The following CCSER1 variants were observed in gnomAD, a reference collection of about 807,000 sequenced individuals.
CCSER1 encodes coiled-coil serine rich protein 1, also known as serine-rich coiled-coil domain-containing protein 1.
CCSER1 carries 41 observed loss-of-function variants against 82.0 expected under a neutral mutation model. The ratio of observed to expected loss-of-function variants is 0.50; its 90% CI spans 0.39 to 0.65. The LOEUF is 0.65. Ranked by LOEUF, CCSER1 falls within the 30% of genes least tolerant of loss-of-function variation. The pLI, the probability that CCSER1 is intolerant of heterozygous loss-of-function variation, is 0.00. For synonymous variants in CCSER1, 414 were observed against 383.9 expected (o/e 1.08, Z -0.92); for missense variants, 1,119 against 1,064.2 (o/e 1.05, Z -0.72).
At chr4:90,689,527 A>C (rs963468764) in intron 6 of CCSER1, among the ~76,000 whole-genome samples, 6 of 152,180 alleles carry the variant, frequency 3.9e-5, no homozygotes, top group African/African-American at 1.4e-4. Context: ...CTTATCATTC[A>C]TGCAGCACTT....
intron 7 of CCSER1, among the ~76,000 whole-genome samples, chr4:90,808,211 C>T (rs182765199): frequency 6.6e-6 from 1 of 152,144 alleles, no homozygotes; most frequent in Admixed American, 6.5e-5. Flanking sequence ...GAAACTGGAT[C>T]CCTATTCTCA....
At chr4:91,160,389 A>G (rs1731265225) in intron 10 of CCSER1, among the ~76,000 whole-genome samples, 2 of 152,206 alleles carry the variant, frequency 1.3e-5, no homozygotes, top group Admixed American at 6.5e-5. Flanking sequence ...ACCATGATTT[A>G]TAATCCTTTG....
At chr4:91,526,491 A>C (rs538782279) in intron 10 of CCSER1, among the ~76,000 whole-genome samples, 14 of 152,282 alleles carry the variant, frequency 9.2e-5, no homozygotes, top group African/African-American at 3.4e-4. Context: ...CCATGAATAA[A>C]TCTCTGGCTC....
intron 10 of CCSER1, among the ~76,000 whole-genome samples, chr4:91,528,065 C>A (rs1343942245): frequency 6.6e-6 from 1 of 152,012 alleles, no homozygotes; most frequent in Non-Finnish European, 1.5e-5. Context: ...CAGGCACAGG[C>A]TACCACTTCC....
At chr4:90,548,482 G>A (rs1337365794) in intron 5 of CCSER1, among the ~76,000 whole-genome samples, 2 of 152,002 alleles carry the variant, frequency 1.3e-5, no homozygotes, top group African/African-American at 4.8e-5. Flanking sequence ...TGGCACCTGG[G>A]TAGAGCCTCT....
intron 6 of CCSER1, among the ~76,000 whole-genome samples, chr4:90,630,868 GATTATTATTATTATTATTATTATT>G (rs71596533): frequency 7.0e-6 from 1 of 143,336 alleles, no homozygotes; most frequent in African/African-American, 2.5e-5. Context: ...TTTGTTCACA[GATTATTATTATTATTATTATTATT>G]ATTATTATTA....
intron 10 of CCSER1, among the ~76,000 whole-genome samples, chr4:91,521,062 G>A (rs1476947365): frequency 6.6e-6 from 1 of 152,102 alleles, no homozygotes; most frequent in Non-Finnish European, 1.5e-5. Flanking sequence ...AGGCCCCGGT[G>A]TGTGATGTTC....
intron 10 of CCSER1, among the ~76,000 whole-genome samples, chr4:91,130,871 A>C (rs1727930227): frequency 6.6e-6 from 1 of 151,796 alleles, no homozygotes; most frequent in African/African-American, 2.4e-5. Context: ...ATTTTTAATT[A>C]AATATATTAT....
intron 10 of CCSER1, among the ~76,000 whole-genome samples, chr4:91,127,077 G>A (rs1447625877): frequency 6.6e-6 from 1 of 151,854 alleles, no homozygotes; most frequent in African/African-American, 2.4e-5. Flanking sequence ...ATCATCCCTG[G>A]ACAGCAACAA....
intron 9 of CCSER1, among the ~76,000 whole-genome samples, chr4:91,022,051 G>T (rs529608828): frequency 6.6e-6 from 1 of 151,942 alleles, no homozygotes; most frequent in Non-Finnish European, 1.5e-5. Context: ...TGCACAATGT[G>T]CAGGTTAGTT....
At chr4:90,148,131 C>T (rs1343756296) in intron 1 of CCSER1, among the ~76,000 whole-genome samples, 1 of 152,112 alleles carries the variant, frequency 6.6e-6, no homozygotes, top group East Asian at 1.9e-4. Flanking sequence ...AGCCACTGCA[C>T]TCCAGCCTGG....
intron 10 of CCSER1, among the ~76,000 whole-genome samples, chr4:91,472,725 A>G (rs1362124020): frequency 6.6e-6 from 1 of 152,168 alleles, no homozygotes; most frequent in Non-Finnish European, 1.5e-5. Context: ...AATAATATAG[A>G]GACAGAATCT....
chr4:91,509,883 A>C (rs1469892010), intron 10 of CCSER1, among the ~76,000 whole-genome samples: 1 of 152,158 alleles, frequency 6.6e-6, no homozygotes, highest in African/African-American at 2.4e-5. Flanking sequence ...TTCAAGTGGT[A>C]CATGTGCAGT....
chr4:90,644,577 T>A (rs181247415), intron 6 of CCSER1, among the ~76,000 whole-genome samples: 1 of 152,020 alleles, frequency 6.6e-6, no homozygotes, highest in African/African-American at 2.4e-5. Context: ...ATCACCTAGG[T>A]ATTAAGCTCC....
At chr4:91,025,444 G>A (rs1030509804) in intron 9 of CCSER1, among the ~76,000 whole-genome samples, 4 of 152,126 alleles carry the variant, frequency 2.6e-5, no homozygotes, top group Non-Finnish European at 5.9e-5. Flanking sequence ...TAGATGATGT[G>A]CTGGCACTTT....
intron 1 of CCSER1, among the ~76,000 whole-genome samples, chr4:90,293,648 G>C (rs894558691): frequency 1.7e-4 from 25 of 150,700 alleles, no homozygotes; most frequent in African/African-American, 5.8e-4. Context: ...TCTTTTCAAA[G>C]ATTTTTTAAA....
rs941147990 is a variant in CCSER1, at chr4:90,628,198, C to A, written c.1898C>A (p.Thr633Lys). ...TTACAGGACTGCACGGCAGTCAAGA[C>A]GTTATTATTAAAGATGAAGAGAGTT... Reference protein sequence around the residue: ...LMLQDCTAVKTLLLKMKRVLQ... With the variant: ...LMLQDCTAVKKLLLKMKRVLQ... The change falls in exon 6 of 11, where the codon ACG becomes AAG. Residue 633 changes from threonine to lysine, a missense_variant. Thr to Lys is a moderately conservative substitution (Grantham distance 78). Transcript: ENST00000509176. The A allele has an allele frequency of 6.2e-7, 1 of 1,613,582 alleles. No homozygotes were observed.
At chr4:91,440,992 A>C (rs1055313781) in intron 10 of CCSER1, among the ~76,000 whole-genome samples, 26 of 152,056 alleles carry the variant, frequency 1.7e-4, no homozygotes, top group African/African-American at 5.5e-4. Flanking sequence ...CTTACCAACC[A>C]AAAAGAGTCC....
chr4:90,524,376 C>G (rs1773491011), intron 5 of CCSER1, among the ~76,000 whole-genome samples: 6 of 152,186 alleles, frequency 3.9e-5, no homozygotes, highest in Non-Finnish European at 8.8e-5. Flanking sequence ...TGGAGCAGAG[C>G]TAGCAGAAAA....
Sources: gnomAD v4.1 joint callset for allele counts (sites outside exome capture counted in the v4.1 genomes callset) on GRCh38, gnomAD v4.1.1 for gene constraint, MANE v1.5 for transcripts, NCBI Gene and HGNC (gene_info 2026-07-23, HGNC 2026-07-21) for gene names.